The following DNAH6 variants were observed in gnomAD, a reference collection of about 807,000 sequenced individuals.
DNAH6 encodes the protein dynein axonemal heavy chain 6, also known as axonemal beta dynein heavy chain 6.
A neutral mutation model predicts 491.4 loss-of-function variants in DNAH6; 340 were observed. The ratio of observed to expected loss-of-function variants is 0.69; its 90% CI spans 0.63 to 0.76. The LOEUF (loss-of-function observed/expected upper bound fraction) is 0.76, where lower values mean the gene tolerates loss of function less well. Among genes scored for constraint, DNAH6 ranks in the 30% least tolerant of loss-of-function variants. The pLI, the probability that DNAH6 is intolerant of heterozygous loss-of-function variation, is 0.00. For missense variants in DNAH6, 4,443 were observed against 4,972.2 expected (o/e 0.89, Z 3.20); for synonymous variants, 1,603 against 1,686.1 (o/e 0.95, Z 1.21).
intron 65 of DNAH6, 127 bp downstream of exon 65, chr2:84,781,780 T>G: frequency 8.4e-7 from 1 of 1,195,954 alleles, no homozygotes; most frequent in Non-Finnish European, 1.1e-6. Context: ...AGGAGAAATT[T>G]GAGGCCTAGA....
intron 14 of DNAH6, among the ~76,000 whole-genome samples, chr2:84,582,642 CG>C (rs1683149773): frequency 1.3e-5 from 2 of 152,068 alleles, no homozygotes; most frequent in Non-Finnish European, 2.9e-5. Context: ...TTAGTAGAGA[CG>C]GGGTTTCACC....
Position 84,785,733 on chromosome 2 carries a change from T to G in DNAH6, c.11077T>G (p.Cys3693Gly), listed in dbSNP as rs1047288323. 2 of 1,544,896 alleles carry G rather than the reference T, an allele frequency of 1.3e-6. No homozygotes were observed. The highest frequency in any genetic ancestry group is 1.7e-6 in the Non-Finnish European group (2 of 1,144,594). The part of the protein sequence containing the change: ...KKWRQIIFGI[C>G]FFHAIIQERK... ...ATGGAGACAAATAATATTTGGCATT[T>G]GTTTCTTCCATGCAATTATTCAGGT... Residue 3693 changes from cysteine to glycine, a missense_variant, in exon 67 of 77, where the codon TGT (cysteine) becomes GGT (glycine). Physicochemically the swap from Cys to Gly is radical, Grantham distance 159. This residue lies in a region of DNAH6 where 1,463 missense variants were observed against 1,656.6 expected (regional missense o/e 0.88). Transcript: ENST00000389394.
At chr2:84,719,897 C>G (rs1306807842) in intron 59 of DNAH6, among the ~76,000 whole-genome samples, 1 of 139,764 alleles carries the variant, frequency 7.2e-6, no homozygotes, top group African/African-American at 2.8e-5. Flanking sequence ...CACACACACA[C>G]AGACACACAC....
At chr2:84,498,373 G>C in the DNAH6 span, among the ~76,000 whole-genome samples, 1 of 152,128 alleles carries the variant, frequency 6.6e-6, no homozygotes, top group Admixed American at 6.5e-5. Flanking sequence ...TGCTTATTCA[G>C]AGCAGGCTCA....
intron 63 of DNAH6, among the ~76,000 whole-genome samples, chr2:84,752,266 T>G (rs961924922): frequency 8.5e-5 from 13 of 152,238 alleles, no homozygotes; most frequent in African/African-American, 3.1e-4. Context: ...TGACTATTTA[T>G]TTAAGCAGAA....
chr2:84,804,590 A>G (rs926977459), intron 70 of DNAH6, among the ~76,000 whole-genome samples: 1 of 151,932 alleles, frequency 6.6e-6, no homozygotes, highest in Admixed American at 6.6e-5. Context: ...TTTTTCTGTA[A>G]TAAGCCGTAT....
At position 84,623,883 on chromosome 2, in the gene DNAH6, T is replaced by G. The variant is rs556261343; in HGVS notation, c.4072-382T>G. Among the ~76,000 whole-genome samples, 5 of 152,344 alleles carry G rather than the reference T, an allele frequency of 3.3e-5. No individual in the cohort carries two copies. The South Asian group carries it at 1.0e-3, about 32-fold the overall frequency. The stretch of plus-strand genomic sequence containing the variant: ...ACCCCTAAAACTGAAGAGTATCACC[T>G]TTAACCACATTTAATTTTTAGGGAG... On this transcript the variant is annotated intron_variant, in intron 26 of 76. Coordinates refer to ENST00000389394, the MANE Select transcript of DNAH6 (RefSeq NM_001370.2).
At chr2:84,491,702 C>A in the DNAH6 span, among the ~76,000 whole-genome samples, 1 of 152,190 alleles carries the variant, frequency 6.6e-6, no homozygotes, top group African/African-American at 2.4e-5. Flanking sequence ...AGACTCTGAT[C>A]ATTGCAATTT....
intron 47 of DNAH6, 125 bp from the exon 48 acceptor site, chr2:84,699,469 T>C (rs1282080302): frequency 2.4e-6 from 2 of 829,962 alleles, no homozygotes; most frequent in East Asian, 5.4e-5. Flanking sequence ...ACAAGAAAAT[T>C]TACATATCTA....
chr2:84,553,316 C>T lies in DNAH6; in HGVS notation c.1602+282C>T, dbSNP rs941599970. ...TCTATAGGGATCCCTTTAAGGACAACTGAAGAGATCACTTGTGAATACCTT... is the reference window on the plus strand; with the variant it reads ...TCTATAGGGATCCCTTTAAGGACAATTGAAGAGATCACTTGTGAATACCTT... On this transcript the variant is annotated intron_variant, in intron 10 of 76. Coordinates refer to ENST00000389394, the MANE Select transcript of DNAH6 (RefSeq NM_001370.2). Among the ~76,000 whole-genome samples the T allele has an allele frequency of 1.8e-3, 52 of 28,332 alleles. 1 individual carries two copies. The highest frequency in any genetic ancestry group is 9.3e-3 in the African/African-American group (48 of 5,186). The allele number at this position is 28,332 out of a possible 152,430, so 18.6% of individuals were successfully genotyped here.
chr2:84,624,832 A>G lies in DNAH6; in HGVS notation c.4354-70A>G, dbSNP rs1011815619. 8 of 1,415,690 alleles carry G rather than the reference A, an allele frequency of 5.7e-6. No homozygotes were observed. The East Asian group carries it at 7.5e-5, about 13-fold the overall frequency. 87.7% of individuals were successfully genotyped at this position (1,415,690 alleles called of 1,614,324 possible). A position where few individuals can be genotyped will look rare whatever the true frequency, so the allele number is the denominator to read the frequency against. ...TAGAAAATAATAATCCTTCCCCCATAGAGAGGAAATGCCTTAATTTGTGGC... is the reference window on the plus strand; with the variant it reads ...TAGAAAATAATAATCCTTCCCCCATGGAGAGGAAATGCCTTAATTTGTGGC... On this transcript the variant is annotated intron_variant, in intron 28 of 76. Coordinates refer to ENST00000389394, the MANE Select transcript of DNAH6 (RefSeq NM_001370.2).
intron 40 of DNAH6, among the ~76,000 whole-genome samples, chr2:84,674,442 A>G (rs990267624): frequency 2.0e-5 from 3 of 152,192 alleles, no homozygotes; most frequent in African/African-American, 7.2e-5. Flanking sequence ...AAGTGAAAAA[A>G]TAAGATGAGT....
At chr2:84,759,456 C>T (rs923102684) in intron 63 of DNAH6, among the ~76,000 whole-genome samples, 2 of 152,026 alleles carry the variant, frequency 1.3e-5, no homozygotes, top group African/African-American at 4.8e-5. Flanking sequence ...TTGCAATGAC[C>T]CAAGATTGTG....
At chr2:84,607,670 A>G (rs1478705436) in intron 21 of DNAH6, among the ~76,000 whole-genome samples, 1 of 152,222 alleles carries the variant, frequency 6.6e-6, no homozygotes, top group African/African-American at 2.4e-5. Context: ...AGTTATGTTT[A>G]TAGTGTACTG....
intron 63 of DNAH6, among the ~76,000 whole-genome samples, chr2:84,759,637 A>G (rs1338020892): frequency 6.6e-6 from 1 of 152,166 alleles, no homozygotes; most frequent in Non-Finnish European, 1.5e-5. Flanking sequence ...AAATGGAAAA[A>G]CATCTGATGC....
At chr2:84,631,292 G>A (rs1430682713) in intron 29 of DNAH6, among the ~76,000 whole-genome samples, 1 of 152,102 alleles carries the variant, frequency 6.6e-6, no homozygotes, top group Non-Finnish European at 1.5e-5. Context: ...AGGCTAAGCT[G>A]TGTAACTGCT....
intron 71 of DNAH6, among the ~76,000 whole-genome samples, chr2:84,806,722 A>G (rs1470351054): frequency 6.6e-6 from 1 of 151,358 alleles, no homozygotes; most frequent in African/African-American, 2.4e-5. Context: ...TTCATTATTC[A>G]TGGTTGGAAG....
At chr2:84,656,858 C>T (rs1691017714) in intron 35 of DNAH6, among the ~76,000 whole-genome samples, 1 of 151,974 alleles carries the variant, frequency 6.6e-6, no homozygotes, top group Admixed American at 6.6e-5. Context: ...ATTCAACTTA[C>T]CAGTTTTTTC....
Position 84,588,938 on chromosome 2 carries a change from A to G in DNAH6, c.2594A>G (p.Tyr865Cys), listed in dbSNP as rs1185880898. 1.3e-6 allele frequency: 2 copies of G among 1,545,958 alleles called. No individual in the cohort carries two copies. Among genetic ancestry groups the G allele is most frequent in the Admixed American group, 2.0e-5 (1 of 49,738 alleles). ...LQKRAFQYKS[Y>C]QKNFKVEVSK... Reference sequence around the variant, plus strand: ...AAACGTGCATTTCAGTATAAGTCCTATCAGAAGAATTTTAAGGTAATGACA... The same window carrying G: ...AAACGTGCATTTCAGTATAAGTCCTGTCAGAAGAATTTTAAGGTAATGACA... The change falls in exon 16 of 77, where the codon TAT becomes TGT. Residue 865 changes from tyrosine to cysteine, a missense_variant. Physicochemically the swap from Tyr to Cys is radical, Grantham distance 194. Coordinates refer to ENST00000389394, the MANE Select transcript of DNAH6 (RefSeq NM_001370.2).
Sources: gnomAD v4.1 joint callset for allele counts (sites outside exome capture counted in the v4.1 genomes callset) on GRCh38, gnomAD v4.1.1 for gene constraint, gnomAD v4.1.1 regional missense constraint, MANE v1.5 for transcripts, NCBI Gene and HGNC (gene_info 2026-07-23, HGNC 2026-07-21) for gene names.